GRAMD1B: variants seen among roughly 807,000 people sequenced by gnomAD.
GRAMD1B encodes the protein protein Aster-B.
A neutral mutation model predicts 99.7 loss-of-function variants in GRAMD1B; 37 were observed. That is an observed-to-expected ratio of 0.37 (90% confidence interval 0.29 to 0.49). The LOEUF (loss-of-function observed/expected upper bound fraction) is 0.49, where lower values mean the gene tolerates loss of function less well. Among genes scored for constraint, GRAMD1B ranks in the 20% least tolerant of loss-of-function variants. The pLI is 0.98. For missense variants in GRAMD1B, 888 were observed against 1,009.2 expected (o/e 0.88, Z 1.63); for synonymous variants, 427 against 387.6 (o/e 1.10, Z -1.19).
At chr11:123,456,362 T>C (rs1431866296) in intron 1 of GRAMD1B, among the ~76,000 whole-genome samples, 1 of 142,658 alleles carries the variant, frequency 7.0e-6, no homozygotes, top group Non-Finnish European at 1.5e-5. Context: ...ATTGGTGTTG[T>C]GGAAAGAGCC....
intron 1 of GRAMD1B, among the ~76,000 whole-genome samples, chr11:123,367,586 C>G (rs777751510): frequency 8.5e-5 from 13 of 152,122 alleles, no homozygotes; most frequent in Non-Finnish European, 1.3e-4. Flanking sequence ...TAGTCAGACT[C>G]TAAGGCGTCT....
intron 1 of GRAMD1B, among the ~76,000 whole-genome samples, chr11:123,469,991 G>A (rs1021152954): frequency 2.6e-5 from 4 of 152,060 alleles, no homozygotes; most frequent in Admixed American, 2.6e-4. Flanking sequence ...TGGCATAGGA[G>A]GACAAAAAGG....
intron 19 of GRAMD1B, among the ~76,000 whole-genome samples, chr11:123,620,342 C>T (rs144718115): frequency 0.012 from 1,882 of 151,992 alleles, 51 homozygotes; most frequent in African/African-American, 0.043. Flanking sequence ...TGTATGGTGG[C>T]GCACACCTGT....
chr11:123,557,645 A>G (rs1461022532), intron 2 of GRAMD1B, among the ~76,000 whole-genome samples: 1 of 152,238 alleles, frequency 6.6e-6, no homozygotes. Flanking sequence ...TGTTCCATTA[A>G]GATTGAAAGA....
chr11:123,475,570 G>A (rs1951224204), intron 1 of GRAMD1B, among the ~76,000 whole-genome samples: 1 of 152,214 alleles, frequency 6.6e-6, no homozygotes, highest in South Asian at 2.1e-4. Flanking sequence ...TTGAGCGAAT[G>A]GCAAGCAGTT....
Position 123,626,002 on chromosome 11 carries a change from A to C in GRAMD1B, c.*3407A>C, listed in dbSNP as rs1955497121. Reference sequence around the variant, plus strand: ...AGAGATCGAGCTTGATGTATTGCTCAGTATTCACTTAGAAGGGTTTCTTTC... The same window carrying C: ...AGAGATCGAGCTTGATGTATTGCTCCGTATTCACTTAGAAGGGTTTCTTTC... On this transcript the variant is annotated 3_prime_UTR_variant, in exon 20 of 20. Coordinates refer to ENST00000635736, the MANE Select transcript of GRAMD1B (RefSeq NM_001387025.1). The C allele has an allele frequency of 1.4e-5, 2 of 142,434 alleles. No individual in the cohort carries two copies. Among genetic ancestry groups the C allele is most frequent in the African/African-American group, 5.1e-5 (2 of 39,162 alleles). The allele number at this position is 142,434 out of a possible 1,614,324, so 8.8% of individuals were successfully genotyped here. A position where few individuals can be genotyped will look rare whatever the true frequency, so the allele number is the denominator to read the frequency against.
intron 1 of GRAMD1B, chr11:123,435,464 T>C (rs17671708): frequency 0.13 from 88,863 of 702,340 alleles, 5,994 homozygotes; most frequent in South Asian, 0.15. Flanking sequence ...CTGCACAAAG[T>C]TGAAAATATG....
At chr11:123,489,987 G>A (rs898534466) in intron 2 of GRAMD1B, among the ~76,000 whole-genome samples, 3 of 152,146 alleles carry the variant, frequency 2.0e-5, no homozygotes, top group Non-Finnish European at 4.4e-5. Flanking sequence ...GACTAGCCTG[G>A]GTAACCTGGC....
At chr11:123,596,161 CGATGCA>C in intron 7 of GRAMD1B, 124 bp downstream of exon 7, 2 of 579,986 alleles carry the variant, frequency 3.4e-6, no homozygotes, top group Non-Finnish European at 6.1e-6. Context: ...GCGCTAAGGG[CGATGCA>C]GATTCCAGGA....
chr11:123,541,885 A>T (rs754963903), intron 2 of GRAMD1B, among the ~76,000 whole-genome samples: 3 of 152,132 alleles, frequency 2.0e-5, no homozygotes, highest in Non-Finnish European at 4.4e-5. Flanking sequence ...CCTTGATATA[A>T]TATTATATCT....
At chr11:123,589,177 G>A (rs539059323) in intron 4 of GRAMD1B, among the ~76,000 whole-genome samples, 8 of 151,602 alleles carry the variant, frequency 5.3e-5, no homozygotes, top group African/African-American at 1.9e-4. Context: ...TTTCAGATTA[G>A]GGATGCTCAA....
At chr11:123,614,661 G>A in intron 16 of GRAMD1B, 84 bp from the exon 17 acceptor site, 2 of 736,134 alleles carry the variant, frequency 2.7e-6, no homozygotes, top group Non-Finnish European at 4.8e-6. Flanking sequence ...AGTCTCTGAT[G>A]TTTGCTGTTT....
chr11:123,413,895 GA>G (rs911836696), intron 1 of GRAMD1B, among the ~76,000 whole-genome samples: 4 of 152,148 alleles, frequency 2.6e-5, no homozygotes, highest in Admixed American at 2.6e-4. Flanking sequence ...AACCAAGTCA[GA>G]AAAAAGTGGT....
rs1265598574 is a variant in GRAMD1B, at chr11:123,510,814, G to C, written c.452+29921G>C. Among the ~76,000 whole-genome samples, 1 of 152,184 alleles carries C rather than the reference G, an allele frequency of 6.6e-6. No homozygotes were observed. The highest frequency in any genetic ancestry group is 1.5e-5 in the Non-Finnish European group (1 of 68,040). ...TCAGCCCGCCACTCGTGAGCATCCA[G>C]GGGCTGTGTCAGAGTGGAGGGAAAT... On this transcript the variant is annotated intron_variant, in intron 2 of 19. Transcript: ENST00000635736. This position sits in a 1 kb window ranked among gnomAD's most constrained non-coding sequence, Gnocchi z 4.3.
intron 2 of GRAMD1B, among the ~76,000 whole-genome samples, chr11:123,495,114 TACACACACAC>T (rs10695354): frequency 4.0e-5 from 6 of 148,548 alleles, no homozygotes; most frequent in East Asian, 2.0e-4. Context: ...TATATATACA[TACACACACAC>T]ACACACACAC....
chr11:123,498,664 G>T (rs1939556684), intron 2 of GRAMD1B, among the ~76,000 whole-genome samples: 1 of 152,172 alleles, frequency 6.6e-6, no homozygotes, highest in South Asian at 2.1e-4. Context: ...CCATGGGTAA[G>T]TGTTCATGTC....
intron 1 of GRAMD1B, among the ~76,000 whole-genome samples, chr11:123,415,835 T>C (rs1186623006): frequency 6.6e-6 from 1 of 152,228 alleles, no homozygotes; most frequent in African/African-American, 2.4e-5. Flanking sequence ...ATAGTCACTA[T>C]TACTTTTTGG....
chr11:123,481,977 G>C (rs1009123250), intron 2 of GRAMD1B, among the ~76,000 whole-genome samples: 10 of 152,114 alleles, frequency 6.6e-5, no homozygotes, highest in Non-Finnish European at 1.0e-4. Context: ...CTGCTGAGAG[G>C]GGGTAGAGAA....
chr11:123,445,189 G>A (rs1361270558), intron 1 of GRAMD1B, among the ~76,000 whole-genome samples: 2 of 152,214 alleles, frequency 1.3e-5, no homozygotes, highest in African/African-American at 4.8e-5. Context: ...CTTCTCCAAA[G>A]TGGGAAGAGT....
Sources: gnomAD v4.1 joint callset for allele counts (sites outside exome capture counted in the v4.1 genomes callset) on GRCh38, gnomAD v4.1.1 for gene constraint, Gnocchi (gnomAD v3.1) non-coding constraint, MANE v1.5 for transcripts, NCBI Gene and HGNC (gene_info 2026-07-23, HGNC 2026-07-21) for gene names.